The following NAALADL2 variants were observed in gnomAD, a reference collection of about 807,000 sequenced individuals.
NAALADL2 encodes inactive N-acetylated-alpha-linked acidic dipeptidase-like protein 2.
In NAALADL2, 76 loss-of-function variants were observed where a neutral mutation model predicts 87.2. The observed-to-expected ratio is 0.87, with a 90% CI of 0.72 to 1.05. The LOEUF (loss-of-function observed/expected upper bound fraction) is 1.05, where lower values mean the gene tolerates loss of function less well. Ranked by LOEUF, NAALADL2 falls within the 50% of genes least tolerant of loss-of-function variation. The pLI, the probability that NAALADL2 is intolerant of heterozygous loss-of-function variation, is 0.00. For synonymous variants in NAALADL2, 354 were observed against 331.0 expected (o/e 1.07, Z -0.75); for missense variants, 1,089 against 945.8 (o/e 1.15, Z -1.99).
chr3:174,865,651 A>G (rs779189489), intron 1 of NAALADL2, among the ~76,000 whole-genome samples: 2 of 152,074 alleles, frequency 1.3e-5, no homozygotes, highest in South Asian at 2.1e-4. Context: ...CATTGCTTCC[A>G]TTCTTGCTGA....
intron 1 of NAALADL2, among the ~76,000 whole-genome samples, chr3:175,026,476 C>G (rs1227639209): frequency 7.4e-6 from 1 of 135,634 alleles, no homozygotes; most frequent in African/African-American, 2.9e-5. Flanking sequence ...GAAACCCCGT[C>G]TCTACTAAAA....
chr3:174,919,640 A>T (rs6801832), intron 1 of NAALADL2, among the ~76,000 whole-genome samples: 53,921 of 151,996 alleles, frequency 0.35, 9,992 homozygotes, highest in African/African-American at 0.46. Flanking sequence ...GGTTGGAATC[A>T]ATTTCTTTCA....
intron 5 of NAALADL2, among the ~76,000 whole-genome samples, chr3:175,385,268 C>T (rs1404642350): frequency 1.3e-5 from 2 of 151,962 alleles, no homozygotes; most frequent in Non-Finnish European, 2.9e-5. Flanking sequence ...CCCAATTTAC[C>T]CCAATTTTCC....
At chr3:175,369,318 AGTAT>A (rs1766134843) in intron 5 of NAALADL2, among the ~76,000 whole-genome samples, 1 of 152,098 alleles carries the variant, frequency 6.6e-6, no homozygotes, top group Non-Finnish European at 1.5e-5. Flanking sequence ...ATATGTAACA[AGTAT>A]GTGTGTGCCT....
chr3:175,117,592 C>T (rs1261103830), intron 2 of NAALADL2, among the ~76,000 whole-genome samples: 5 of 149,884 alleles, frequency 3.3e-5, no homozygotes, highest in African/African-American at 9.9e-5. Context: ...GTTAGAATGG[C>T]GATCATTAAA....
At chr3:174,501,203 C>A (rs993467404) in intron 1 of NAALADL2, among the ~76,000 whole-genome samples, 9 of 145,402 alleles carry the variant, frequency 6.2e-5, no homozygotes, top group African/African-American at 2.5e-4. Flanking sequence ...CTCAGCCTCC[C>A]AAGTAGCTGG....
At chr3:175,542,526 T>G (rs1371920861) in intron 9 of NAALADL2, among the ~76,000 whole-genome samples, 3 of 152,084 alleles carry the variant, frequency 2.0e-5, no homozygotes. Context: ...ATGAATGACG[T>G]ATTTTCTTTT....
At chr3:175,548,464 A>G (rs905869378) in intron 9 of NAALADL2, among the ~76,000 whole-genome samples, 2 of 152,074 alleles carry the variant, frequency 1.3e-5, no homozygotes, top group African/African-American at 4.8e-5. Context: ...CAGGCTTAAT[A>G]CCTGGGTGAA....
intron 3 of NAALADL2, among the ~76,000 whole-genome samples, chr3:174,853,193 G>A (rs1331257634): frequency 2.2e-5 from 2 of 91,986 alleles, no homozygotes; most frequent in Admixed American, 1.5e-4. Context: ...GTGAAACCCC[G>A]TCTCTACCAA....
chr3:175,033,505 C>T (rs910860899), intron 1 of NAALADL2, among the ~76,000 whole-genome samples: 3 of 152,176 alleles, frequency 2.0e-5, no homozygotes, highest in African/African-American at 4.8e-5. Flanking sequence ...AATTTATTCC[C>T]GGTATGTGTC....
At chr3:175,250,588 C>T (rs1040912196) in intron 3 of NAALADL2, among the ~76,000 whole-genome samples, 23 of 152,150 alleles carry the variant, frequency 1.5e-4, no homozygotes, top group African/African-American at 5.6e-4. Flanking sequence ...TCAACAGTGT[C>T]TTTCTCTAGT....
chr3:175,623,932 T>C lies in NAALADL2; in HGVS notation c.1801-3359T>C, dbSNP rs116658627. On this transcript the variant is annotated intron_variant, in intron 10 of 13. Coordinates refer to ENST00000454872, the MANE Select transcript of NAALADL2 (RefSeq NM_207015.3). Reference sequence around the variant, plus strand: ...GGTATCTAGGTTTCAGATAACTCTCTTGAGGTGTAAATGAAAAAAAAAATA... The same window carrying C: ...GGTATCTAGGTTTCAGATAACTCTCCTGAGGTGTAAATGAAAAAAAAAATA... 6.2e-3 allele frequency among the ~76,000 whole-genome samples: 717 copies of C among 116,210 alleles called. 7 individuals are homozygous for C. The highest frequency in any genetic ancestry group is 0.02 in the African/African-American group (687 of 34,844). 76.2% of individuals were successfully genotyped at this position (116,210 alleles called of 152,430 possible). A position where few individuals can be genotyped will look rare whatever the true frequency, so the allele number is the denominator to read the frequency against.
chr3:174,907,981 T>TTATTTA (rs1297958192), intron 1 of NAALADL2, among the ~76,000 whole-genome samples: 1 of 151,848 alleles, frequency 6.6e-6, no homozygotes, highest in East Asian at 1.9e-4. Context: ...AACATATTTC[T>TTATTTA]TATTTATATC....
chr3:175,154,586 C>G (rs11706435), intron 2 of NAALADL2, among the ~76,000 whole-genome samples: 67,720 of 151,886 alleles, frequency 0.45, 15,252 homozygotes, highest in African/African-American at 0.49. Flanking sequence ...TGTAAGAACA[C>G]TGTGTGTATA....
Position 174,689,137 on chromosome 3 carries a change from G to A in NAALADL2, c.-114-48504G>A, listed in dbSNP as rs183856221. Among the ~76,000 whole-genome samples the A allele has an allele frequency of 2.8e-4, 43 of 152,164 alleles. No homozygotes were observed. The East Asian group carries it at 4.4e-3, about 16-fold the overall frequency. ...CATGAATAAAAACAATAAGTATAAT[G>A]TTTATTTTTTATTAATTACGAACCT... On this transcript the variant is annotated intron_variant, in intron 2 of 3. Coordinates refer to the NAALADL2 transcript ENST00000434257.
chr3:174,709,119 C>T (rs1186337991), intron 2 of NAALADL2, among the ~76,000 whole-genome samples: 1 of 152,052 alleles, frequency 6.6e-6, no homozygotes, highest in Non-Finnish European at 1.5e-5. Flanking sequence ...AATATAGTCT[C>T]ATTTGCCACA....
chr3:175,663,441 T>C (rs1369073786), intron 11 of NAALADL2, among the ~76,000 whole-genome samples: 1 of 151,974 alleles, frequency 6.6e-6, no homozygotes, highest in South Asian at 2.1e-4. Context: ...ATTCTCTCTC[T>C]ATTTTTTAGT....
intron 11 of NAALADL2, among the ~76,000 whole-genome samples, chr3:175,658,456 CT>C (rs201683396): frequency 3.3e-5 from 5 of 151,078 alleles, no homozygotes; most frequent in Admixed American, 6.6e-5. Flanking sequence ...CCTTGAAGGG[CT>C]TTTTTTTTCT....
chr3:174,763,779 T>C (rs1713405504), intron 3 of NAALADL2, among the ~76,000 whole-genome samples: 1 of 147,306 alleles, frequency 6.8e-6, no homozygotes, highest in South Asian at 2.1e-4. Context: ...TTTATAAAGA[T>C]CTATACATCA....
Sources: allele counts gnomAD v4.1 joint callset (sites outside exome capture counted in the v4.1 genomes callset), GRCh38; gene constraint gnomAD v4.1.1; transcripts MANE v1.5; gene names NCBI Gene and HGNC (gene_info 2026-07-23, HGNC 2026-07-21).